The following UNC13C variants were observed in gnomAD, a reference collection of about 807,000 sequenced individuals.
UNC13C encodes protein unc-13 homolog C.
UNC13C carries 174 observed loss-of-function variants against 245.4 expected under a neutral mutation model. The observed-to-expected ratio is 0.71, with a 90% confidence interval of 0.63 to 0.80. UNC13C has a LOEUF of 0.80. Ranked by LOEUF, UNC13C falls within the 30% of genes least tolerant of loss-of-function variation. The pLI, the probability that UNC13C is intolerant of heterozygous loss-of-function variation, is 0.00. For synonymous variants in UNC13C, 992 were observed against 895.1 expected, an observed-to-expected ratio of 1.11 and a Z score of -1.93; for missense variants, 2,829 against 2,602.9, an observed-to-expected ratio of 1.09 and a Z score of -1.89.
intron 4 of UNC13C, among the ~76,000 whole-genome samples, chr15:54,156,010 T>A (rs1393326348): frequency 6.6e-6 from 1 of 152,214 alleles, no homozygotes; most frequent in Middle Eastern, 3.2e-3. Context: ...TATTAACCTT[T>A]GAATAACATA....
intron 19 of UNC13C, among the ~76,000 whole-genome samples, chr15:54,470,172 T>G (rs1278092759): frequency 6.6e-6 from 1 of 151,602 alleles, no homozygotes; most frequent in Non-Finnish European, 1.5e-5. Context: ...ATAATTTAGT[T>G]GAGGATTTTT....
chr15:54,586,027 T>C (rs1383551860), intron 30 of UNC13C, among the ~76,000 whole-genome samples: 1 of 152,188 alleles, frequency 6.6e-6, no homozygotes, highest in Non-Finnish European at 1.5e-5. Flanking sequence ...CCTCCTAGCC[T>C]CCTACAGAAC....
the UNC13C span, among the ~76,000 whole-genome samples, chr15:53,906,081 C>T: frequency 6.6e-6 from 1 of 152,242 alleles, no homozygotes; most frequent in Non-Finnish European, 1.5e-5. Flanking sequence ...CATCTGTAAT[C>T]CCAGCACTTT....
rs548593478 is a variant in UNC13C, at chr15:54,312,986, C to T, written c.4269-8953C>T. ...TCCAATACGGTTGTGATTTTGCATC[C>T]TTTTTGGTTTTCTTGGAAGTTTCCA... On this transcript the variant is annotated intron_variant, in intron 13 of 32. Coordinates refer to ENST00000260323, the MANE Select transcript of UNC13C (RefSeq NM_001080534.3). 4.6e-4 allele frequency among the ~76,000 whole-genome samples: 70 copies of T among 151,780 alleles called. 1 individual carries two copies. The highest frequency in any genetic ancestry group is 4.5e-3 in the Admixed American group (69 of 15,196).
intron 19 of UNC13C, among the ~76,000 whole-genome samples, chr15:54,486,744 A>G (rs1464449833): frequency 6.6e-6 from 1 of 152,176 alleles, no homozygotes; most frequent in Non-Finnish European, 1.5e-5. Flanking sequence ...TTTTTTAAAA[A>G]TACCCTTTCT....
intron 19 of UNC13C, among the ~76,000 whole-genome samples, chr15:54,428,177 C>T (rs2040796917): frequency 6.6e-6 from 1 of 151,774 alleles, no homozygotes; most frequent in Non-Finnish European, 1.5e-5. Context: ...AATTCTAAAA[C>T]ATCTTTCTAC....
chr15:54,009,535 C>T (rs1171224035), intron 1 of UNC13C, among the ~76,000 whole-genome samples: 2 of 149,026 alleles, frequency 1.3e-5, no homozygotes, highest in Admixed American at 1.3e-4. Flanking sequence ...AAGTAATTTT[C>T]TTCTTCTTCT....
intron 2 of UNC13C, among the ~76,000 whole-genome samples, chr15:54,120,537 T>C (rs2141193209): frequency 6.6e-6 from 1 of 152,270 alleles, no homozygotes; most frequent in African/African-American, 2.4e-5. Flanking sequence ...ACAACATCTA[T>C]TCTGCAGCCC....
At chr15:54,334,237 C>T (rs1203364068) in intron 16 of UNC13C, among the ~76,000 whole-genome samples, 1 of 152,098 alleles carries the variant, frequency 6.6e-6, no homozygotes, top group African/African-American at 2.4e-5. Flanking sequence ...GTAGCTGACT[C>T]TTTTAAGTTT....
At chr15:54,628,773 A>C (rs1397159117), downstream of UNC13C, 2 of 151,974 alleles carry the variant, frequency 1.3e-5, no homozygotes, top group Non-Finnish European at 2.9e-5. Context: ...AAAAGTCAAA[A>C]AATAACAGAT....
At chr15:54,268,175 C>T (rs2036596109) in intron 10 of UNC13C, among the ~76,000 whole-genome samples, 1 of 151,546 alleles carries the variant, frequency 6.6e-6, no homozygotes, top group Admixed American at 6.6e-5. Flanking sequence ...CTGTATTTCA[C>T]TTTGGATTGC....
At chr15:54,473,540 A>C (rs1490790281) in intron 19 of UNC13C, among the ~76,000 whole-genome samples, 1 of 151,750 alleles carries the variant, frequency 6.6e-6, no homozygotes, top group Non-Finnish European at 1.5e-5. Context: ...TATAACTATC[A>C]TTCTACCCTC....
intron 17 of UNC13C, among the ~76,000 whole-genome samples, chr15:54,390,391 C>T (rs553462310): frequency 2.0e-5 from 3 of 152,210 alleles, no homozygotes; most frequent in Admixed American, 6.5e-5. Context: ...ACCATTGGAA[C>T]TTTCTTCAGA....
At chr15:54,552,477 A>AT (rs1896804227) in intron 28 of UNC13C, among the ~76,000 whole-genome samples, 1 of 12,658 alleles carries the variant, frequency 7.9e-5, no homozygotes, top group Non-Finnish European at 1.3e-4. Context: ...ACAATATATA[A>AT]TATAATTATA....
At chr15:54,044,808 T>G (rs1007513576) in intron 2 of UNC13C, among the ~76,000 whole-genome samples, 1 of 152,198 alleles carries the variant, frequency 6.6e-6, no homozygotes, top group African/African-American at 2.4e-5. Flanking sequence ...CTAGTTTAAA[T>G]TTGCCTTTCT....
chr15:53,943,651 T>C, the UNC13C span, among the ~76,000 whole-genome samples: 1 of 152,122 alleles, frequency 6.6e-6, no homozygotes, highest in Non-Finnish European at 1.5e-5. Context: ...CCAGGGTTTT[T>C]TTCCCTAAAA....
At chr15:53,991,704 C>G (rs530448073) in intron 1 of UNC13C, among the ~76,000 whole-genome samples, 63 of 152,178 alleles carry the variant, frequency 4.1e-4, no homozygotes, top group African/African-American at 1.4e-3. Context: ...AGTTAGGCCT[C>G]CATGGCTGCC....
chr15:54,552,839 A>AATATAATTTATATATT (rs1896879203), intron 28 of UNC13C, among the ~76,000 whole-genome samples: 8 of 57,014 alleles, frequency 1.4e-4, no homozygotes, highest in African/African-American at 3.9e-4. Context: ...TATATTATAT[A>AATATAATTTATATATT]GTACAATATA....
the UNC13C span, chr15:53,968,231 C>A: frequency 6.6e-6 from 1 of 152,134 alleles, no homozygotes; most frequent in East Asian, 1.9e-4. Context: ...CTGCATTATG[C>A]AGTATTACTG....
Sources: allele counts gnomAD v4.1 joint callset (sites outside exome capture counted in the v4.1 genomes callset), GRCh38; gene constraint gnomAD v4.1.1; transcripts MANE v1.5; gene names NCBI Gene and HGNC (gene_info 2026-07-23, HGNC 2026-07-21).